The following NRG3 variants were observed in gnomAD, a reference collection of about 807,000 sequenced individuals.
NRG3 encodes pro-neuregulin-3, membrane-bound isoform.
A neutral mutation model predicts 66.9 loss-of-function variants in NRG3; 31 were observed. The ratio of observed to expected loss-of-function variants is 0.46; its 90% CI spans 0.35 to 0.63. NRG3 has a LOEUF of 0.63. Among genes scored for constraint, NRG3 ranks in the 20% least tolerant of loss-of-function variants. The pLI is 0.00. For missense variants in NRG3, 910 were observed against 878.9 expected, an observed-to-expected ratio of 1.04 and a Z score of -0.45; for synonymous variants, 393 against 359.4, an observed-to-expected ratio of 1.09 and a Z score of -1.06.
Position 82,232,681 on chromosome 10 carries a change from A to T in NRG3, c.824-126058A>T, listed in dbSNP as rs554757788. 6.3e-4 allele frequency: 447 copies of T among 707,824 alleles called. 1 individual carries two copies. The African/African-American group carries it at 7.3e-3, about 12-fold the overall frequency. 43.8% of individuals were successfully genotyped at this position (707,824 alleles called of 1,614,324 possible). On this transcript the variant is annotated intron_variant, in intron 1 of 8. Coordinates refer to ENST00000372141, the MANE Select transcript of NRG3 (RefSeq NM_001010848.4). ...ATACATTTATGAGACAATCGGCCAG[A>T]TGGGGCTACAAGAGGAGACACAGGA...
chr10:82,022,931 T>TTA (rs1046962992), intron 1 of NRG3, among the ~76,000 whole-genome samples: 15 of 150,818 alleles, frequency 9.9e-5, no homozygotes, highest in African/African-American at 3.6e-4. Flanking sequence ...TATATAAAAA[T>TTA]TATATATATA....
In NRG3 at chr10:82,032,437, A is replaced by G. The variant is rs532488339; in HGVS notation, c.823+156274A>G. Among the ~76,000 whole-genome samples, 330 of 152,066 alleles carry G rather than the reference A, an allele frequency of 2.2e-3. 2 individuals carry two copies. Among genetic ancestry groups the G allele is most frequent in the African/African-American group, 7.6e-3 (317 of 41,514 alleles). On this transcript the variant is annotated intron_variant, in intron 1 of 8. Coordinates refer to ENST00000372141, the MANE Select transcript of NRG3 (RefSeq NM_001010848.4). ...TTTTCTAATGCTGCTTCAGTTAACA[A>G]TGCCTTGTGCTGGTATGCTATTTTT...
At chr10:81,988,086 A>T (rs1373306395) in intron 1 of NRG3, among the ~76,000 whole-genome samples, 1 of 152,204 alleles carries the variant, frequency 6.6e-6, no homozygotes, top group Non-Finnish European at 1.5e-5. Flanking sequence ...AAAACAAAGA[A>T]AAAACCAAAA....
At chr10:82,206,418 A>T (rs898247808) in intron 1 of NRG3, among the ~76,000 whole-genome samples, 2 of 152,194 alleles carry the variant, frequency 1.3e-5, no homozygotes, top group East Asian at 3.9e-4. Context: ...CTTGGGCAGT[A>T]GCAGGCAGTA....
chr10:82,276,174 G>A (rs539790248), intron 1 of NRG3, among the ~76,000 whole-genome samples: 6 of 151,950 alleles, frequency 3.9e-5, no homozygotes, highest in Admixed American at 1.3e-4. Flanking sequence ...GGATACACAC[G>A]AGTAATTGTC....
chr10:82,370,815 C>G (rs914181555), intron 2 of NRG3, among the ~76,000 whole-genome samples: 21 of 152,106 alleles, frequency 1.4e-4, no homozygotes, highest in Non-Finnish European at 3.1e-4. Flanking sequence ...AAGCCAAAGA[C>G]AGTGTTTCCA....
chr10:82,350,593 G>A (rs2083373247), intron 1 of NRG3, among the ~76,000 whole-genome samples: 1 of 152,194 alleles, frequency 6.6e-6, no homozygotes, highest in Non-Finnish European at 1.5e-5. Flanking sequence ...ACATAAATCT[G>A]AAACAATTAG....
At chr10:82,956,246 G>T (rs1850037447) in intron 5 of NRG3, among the ~76,000 whole-genome samples, 3 of 151,968 alleles carry the variant, frequency 2.0e-5, no homozygotes, top group Admixed American at 2.0e-4. Flanking sequence ...CAAATGAACT[G>T]TAAAGTTTCC....
intron 3 of NRG3, among the ~76,000 whole-genome samples, chr10:82,824,016 A>G (rs1399997423): frequency 6.6e-6 from 1 of 152,142 alleles, no homozygotes; most frequent in Non-Finnish European, 1.5e-5. Context: ...ATCCATACTC[A>G]TTAGTAGTTG....
intron 2 of NRG3, among the ~76,000 whole-genome samples, chr10:82,698,987 T>C (rs935182542): frequency 1.3e-5 from 2 of 152,314 alleles, no homozygotes; most frequent in Admixed American, 1.3e-4. Context: ...TAACTCATCA[T>C]GGAAATGTTG....
intron 4 of NRG3, among the ~76,000 whole-genome samples, chr10:82,874,436 G>GAA (rs4034897): frequency 0.012 from 1,699 of 139,904 alleles, 20 homozygotes; most frequent in African/African-American, 0.029. Context: ...GACTTATTTG[G>GAA]AAAAAAAAAA....
At chr10:82,411,586 A>G (rs1285349311) in intron 2 of NRG3, among the ~76,000 whole-genome samples, 1 of 152,142 alleles carries the variant, frequency 6.6e-6, no homozygotes, top group African/African-American at 2.4e-5. Flanking sequence ...ACTCCAGCCT[A>G]ATCTTTGGAC....
chr10:82,628,472 A>G (rs1481129), intron 2 of NRG3, among the ~76,000 whole-genome samples: 17,036 of 152,214 alleles, frequency 0.11, 1,126 homozygotes, highest in Non-Finnish European at 0.14. Flanking sequence ...CCATGGAACT[A>G]GAAGCAATTT....
rs557549723 is a variant in NRG3 at position 82,152,785 on chromosome 10, CCTTCTT to C, written c.824-205949_824-205944del. Among the ~76,000 whole-genome samples the C allele has an allele frequency of 1.4e-4, 21 of 151,804 alleles. No individual in the cohort carries two copies. The South Asian group carries it at 4.4e-3, about 32-fold the overall frequency. ...TTCCTGCCTTCCTTCTTCTCCTTCT[CCTTCTT>C]CTTCCCCCACCCTCCCCTCTCTCTC... On this transcript the variant is annotated intron_variant, in intron 1 of 8. Transcript: ENST00000372141.
At chr10:82,718,679 G>A (rs1365500281) in intron 2 of NRG3, among the ~76,000 whole-genome samples, 1 of 152,168 alleles carries the variant, frequency 6.6e-6, no homozygotes, top group East Asian at 1.9e-4. Context: ...ATTATGTCAA[G>A]TGTCTAGCAC....
At chr10:82,546,366 T>A (rs961687690) in intron 2 of NRG3, among the ~76,000 whole-genome samples, 1 of 152,226 alleles carries the variant, frequency 6.6e-6, no homozygotes. Flanking sequence ...AGATAGTTTT[T>A]TTTTAAATGA....
chr10:81,998,570 C>A (rs563913117), intron 1 of NRG3, among the ~76,000 whole-genome samples: 1 of 152,196 alleles, frequency 6.6e-6, no homozygotes, highest in Admixed American at 6.5e-5. Flanking sequence ...ACAATGTCCT[C>A]ATCTGGGTAA....
intron 1 of NRG3, among the ~76,000 whole-genome samples, chr10:82,203,123 T>C (rs575510915): frequency 9.3e-4 from 141 of 152,294 alleles, no homozygotes; most frequent in Non-Finnish European, 1.7e-3. Flanking sequence ...CTGTGAGTCA[T>C]GTGTAGGACG....
chr10:81,947,988 C>G lies in NRG3; in HGVS notation c.823+71825C>G, dbSNP rs1849001102. Among the ~76,000 whole-genome samples the G allele has an allele frequency of 2.6e-5, 4 of 152,122 alleles. No individual in the cohort carries two copies. The South Asian group carries it at 8.3e-4, about 32-fold the overall frequency. On this transcript the variant is annotated intron_variant, in intron 1 of 8. Transcript: ENST00000372141. ...AATAGGAGTGTTAATGCCTCCTTTGCAGAGTAGAGAGTGCTCAACACATGG... is the reference window on the plus strand; with the variant it reads ...AATAGGAGTGTTAATGCCTCCTTTGGAGAGTAGAGAGTGCTCAACACATGG...
Sources: allele counts gnomAD v4.1 joint callset (sites outside exome capture counted in the v4.1 genomes callset), GRCh38; gene constraint gnomAD v4.1.1; transcripts MANE v1.5; gene names NCBI Gene and HGNC (gene_info 2026-07-23, HGNC 2026-07-21).